Variants in CALCR observed in about 807,000 individuals in gnomAD.
CALCR encodes calcitonin receptor.
Under a neutral mutation model 59.5 loss-of-function variants are expected in CALCR, and 47 were observed. The ratio of observed to expected loss-of-function variants is 0.79; its 90% CI spans 0.63 to 1.01. The LOEUF (loss-of-function observed/expected upper bound fraction) is 1.01, where lower values mean the gene tolerates loss of function less well. Among genes scored for constraint, CALCR ranks in the 50% least tolerant of loss-of-function variants. The pLI is 0.00. For missense variants in CALCR, 566 were observed against 597.1 expected (o/e 0.95, Z 0.54); for synonymous variants, 213 against 211.3 (o/e 1.01, Z -0.07).
intron 7 of CALCR, among the ~76,000 whole-genome samples, chr7:93,463,315 T>C (rs890220990): frequency 6.6e-6 from 1 of 151,826 alleles, no homozygotes; most frequent in Non-Finnish European, 1.5e-5. Flanking sequence ...AAAATATATA[T>C]ATTTTTCATT....
chr7:93,542,064 A>G (rs940706552), intron 2 of CALCR, among the ~76,000 whole-genome samples: 1 of 152,224 alleles, frequency 6.6e-6, no homozygotes, highest in Non-Finnish European at 1.5e-5. Flanking sequence ...CCATTTTGAT[A>G]TATTTACCTC....
At chr7:93,479,302 A>G in intron 4 of CALCR, 52 bp downstream of exon 4, 8 of 1,492,126 alleles carry the variant, frequency 5.4e-6, no homozygotes, top group Non-Finnish European at 7.2e-6. Flanking sequence ...CACAAAAGAA[A>G]ATGTCTGTAA....
intron 7 of CALCR, among the ~76,000 whole-genome samples, chr7:93,463,718 T>C (rs536603528): frequency 6.6e-6 from 1 of 152,122 alleles, no homozygotes; most frequent in East Asian, 1.9e-4. Flanking sequence ...AGAGAATTAA[T>C]TGAAATTAAC....
chr7:93,529,116 C>T (rs1384946284), intron 2 of CALCR, among the ~76,000 whole-genome samples: 1 of 152,090 alleles, frequency 6.6e-6, no homozygotes, highest in Non-Finnish European at 1.5e-5. Context: ...TTGTCTCCAC[C>T]CAAATCTTAT....
At chr7:93,433,776 G>A (rs1799708569) in intron 13 of CALCR, among the ~76,000 whole-genome samples, 1 of 152,140 alleles carries the variant, frequency 6.6e-6, no homozygotes, top group Non-Finnish European at 1.5e-5. Context: ...TATTCACATT[G>A]TAGATTATTT....
chr7:93,437,482 G>T (rs1799804833), intron 11 of CALCR, among the ~76,000 whole-genome samples: 1 of 152,044 alleles, frequency 6.6e-6, no homozygotes, highest in South Asian at 2.1e-4. Flanking sequence ...ACATTTTTAG[G>T]TTAATTGATT....
At chr7:93,540,913 A>G (rs189483820) in intron 2 of CALCR, among the ~76,000 whole-genome samples, 1 of 151,898 alleles carries the variant, frequency 6.6e-6, no homozygotes, top group East Asian at 1.9e-4. Flanking sequence ...CTCATAATCA[A>G]TCAGGATTCA....
At position 93,445,207 on chromosome 7, in the gene CALCR, G is replaced by A. The variant is rs972978; in HGVS notation, c.649-1450C>T. Among the ~76,000 whole-genome samples, 98 of 151,768 alleles carry A rather than the reference G, an allele frequency of 6.5e-4. 1 individual carries two copies. Among genetic ancestry groups the A allele is most frequent in the Non-Finnish European group, 2.8e-4 (19 of 67,904 alleles). The stretch of plus-strand genomic sequence containing the variant: ...CAGAAAAGCACTGGCTTCCCTCCCC[G>A]CCATCTGATTACCTTCCTAACTGGG... On this transcript the variant is annotated intron_variant, in intron 8 of 13. Coordinates refer to ENST00000426151, the MANE Select transcript of CALCR (RefSeq NM_001742.4).
intron 2 of CALCR, among the ~76,000 whole-genome samples, chr7:93,570,380 G>A (rs891620434): frequency 2.6e-5 from 4 of 152,192 alleles, no homozygotes; most frequent in Admixed American, 1.3e-4. Flanking sequence ...GTGTGGCAGC[G>A]ATACTTAGAG....
At chr7:93,492,975 A>C (rs929312421) in intron 2 of CALCR, among the ~76,000 whole-genome samples, 9 of 151,372 alleles carry the variant, frequency 5.9e-5, no homozygotes, top group Non-Finnish European at 1.0e-4. Flanking sequence ...AAAGCCTCTT[A>C]GGAAGTGGAA....
chr7:93,491,437 A>G (rs999615815), intron 2 of CALCR, among the ~76,000 whole-genome samples: 15 of 152,118 alleles, frequency 9.9e-5, no homozygotes, highest in African/African-American at 3.6e-4. Flanking sequence ...ACTTCTGCGC[A>G]GCAAAAGAAA....
chr7:93,520,580 T>C (rs941446836), intron 2 of CALCR, among the ~76,000 whole-genome samples: 1 of 152,106 alleles, frequency 6.6e-6, no homozygotes, highest in Non-Finnish European at 1.5e-5. Context: ...GATATAGCAT[T>C]CCTCTCACCC....
At chr7:93,494,043 C>T (rs1274906118) in intron 2 of CALCR, among the ~76,000 whole-genome samples, 1 of 151,286 alleles carries the variant, frequency 6.6e-6, no homozygotes, top group East Asian at 1.9e-4. Context: ...GTAATGTAGC[C>T]TCTGAGAGAA....
chr7:93,497,644 A>G (rs1041074149), intron 2 of CALCR, among the ~76,000 whole-genome samples: 2 of 151,732 alleles, frequency 1.3e-5, no homozygotes, highest in African/African-American at 4.8e-5. Flanking sequence ...GACTACAACC[A>G]GCCCAGGGCT....
In CALCR at chr7:93,434,289, GA is replaced by G; in HGVS notation, c.1154del (p.Phe385SerfsTer18). 1 of 1,608,088 alleles carries G rather than the reference GA, an allele frequency of 6.2e-7. No homozygotes were observed. The highest frequency in any genetic ancestry group is 8.5e-7 in the Non-Finnish European group (1 of 1,175,818). On this transcript the variant is annotated frameshift_variant, in exon 13 of 14. Transcript: ENST00000426151. LOFTEE classifies it high-confidence loss of function. ...AGAAGCAGTAGATGGTCGCAACAAA[GA>G]AGCCCTAAAAAGGGAAGGAAAAATA... ...VMHSLIHFQG[F>X]FVATIYCFCN... is the part of the protein sequence containing the mutation.
chr7:93,555,326 C>A (rs371763932), intron 2 of CALCR, among the ~76,000 whole-genome samples: 2 of 152,088 alleles, frequency 1.3e-5, no homozygotes, highest in East Asian at 3.9e-4. Context: ...AGTGTGGATA[C>A]AGTTAATGCA....
chr7:93,439,695 T>C (rs895563557), intron 9 of CALCR, among the ~76,000 whole-genome samples: 16 of 152,120 alleles, frequency 1.1e-4, no homozygotes, highest in African/African-American at 3.9e-4. Context: ...AGAATAATCC[T>C]GTCTGTGTAG....
intron 2 of CALCR, among the ~76,000 whole-genome samples, chr7:93,543,195 T>C (rs770959746): frequency 1.3e-5 from 2 of 152,192 alleles, no homozygotes; most frequent in African/African-American, 4.8e-5. Context: ...ACCAGGCTGG[T>C]GTGCAGTCGC....
At chr7:93,518,438 T>C (rs1477796680) in intron 2 of CALCR, among the ~76,000 whole-genome samples, 2 of 151,972 alleles carry the variant, frequency 1.3e-5, no homozygotes, top group African/African-American at 4.8e-5. Flanking sequence ...TCTATTCATA[T>C]TTAAATATGT....
Sources: gnomAD v4.1 joint callset for allele counts (sites outside exome capture counted in the v4.1 genomes callset) on GRCh38, gnomAD v4.1.1 for gene constraint, MANE v1.5 for transcripts, NCBI Gene and HGNC (gene_info 2026-07-23, HGNC 2026-07-21) for gene names.